The following XKR9 variants were observed in gnomAD, a reference collection of about 807,000 sequenced individuals.
XKR9 encodes the protein XK-related protein 9.
A neutral mutation model predicts 32.0 loss-of-function variants in XKR9; 32 were observed. The ratio of observed to expected loss-of-function variants is 1.00; its 90% CI spans 0.76 to 1.34. The LOEUF (loss-of-function observed/expected upper bound fraction) is 1.34. Among genes scored for constraint, XKR9 ranks in the 40% most tolerant of loss-of-function variants. XKR9 has a pLI of 0.00. For synonymous variants in XKR9, 168 were observed against 143.4 expected (o/e 1.17, Z -1.22); for missense variants, 546 against 429.7 (o/e 1.27, Z -2.39).
chr8:70,936,161 A>T, the XKR9 span, among the ~76,000 whole-genome samples: 5 of 152,070 alleles, frequency 3.3e-5, no homozygotes, highest in Admixed American at 2.6e-4. Flanking sequence ...CAGAAATGAT[A>T]ACTGAAACCT....
At chr8:70,995,253 C>A in the XKR9 span, among the ~76,000 whole-genome samples, 1 of 152,172 alleles carries the variant, frequency 6.6e-6, no homozygotes, top group African/African-American at 2.4e-5. Context: ...TGGCCCATAC[C>A]ACCCTACTGT....
At chr8:71,046,496 T>C in the XKR9 span, among the ~76,000 whole-genome samples, 11 of 152,250 alleles carry the variant, frequency 7.2e-5, no homozygotes, top group Non-Finnish European at 1.3e-4. Context: ...CCCTTCTCTC[T>C]AATCTGTAAA....
At chr8:70,864,089 C>A in the XKR9 span, among the ~76,000 whole-genome samples, 1 of 152,062 alleles carries the variant, frequency 6.6e-6, no homozygotes, top group African/African-American at 2.4e-5. Context: ...GAGGATTTGC[C>A]AACAAGCATT....
chr8:70,972,209 A>C, the XKR9 span, among the ~76,000 whole-genome samples: 39 of 151,322 alleles, frequency 2.6e-4, 1 homozygote, highest in South Asian at 6.9e-3. Context: ...ATTTTATTTT[A>C]TTTTATTTTT....
At chr8:70,808,785 CAAAG>C in the XKR9 span, among the ~76,000 whole-genome samples, 1 of 152,252 alleles carries the variant, frequency 6.6e-6, no homozygotes, top group African/African-American at 2.4e-5. Context: ...AGTAGGTAAA[CAAAG>C]AGGCCAGGAA....
chr8:70,912,431 A>G, the XKR9 span, among the ~76,000 whole-genome samples: 1 of 152,152 alleles, frequency 6.6e-6, no homozygotes, highest in Non-Finnish European at 1.5e-5. Context: ...GGAGCATAAA[A>G]TAAATAGGAT....
intron 2 of XKR9, among the ~76,000 whole-genome samples, chr8:70,749,271 C>T (rs937754898): frequency 3.3e-5 from 5 of 151,874 alleles, no homozygotes; most frequent in African/African-American, 1.2e-4. Flanking sequence ...GTAATACAAA[C>T]GGGGCTGAAA....
chr8:70,874,359 C>T, the XKR9 span, among the ~76,000 whole-genome samples: 9 of 152,212 alleles, frequency 5.9e-5, no homozygotes, highest in African/African-American at 2.2e-4. Flanking sequence ...GAAATTTATT[C>T]TGTATGATAG....
At chr8:70,781,284 A>T (rs6993170) in intron 2 of XKR9, among the ~76,000 whole-genome samples, 61,820 of 151,542 alleles carry the variant, frequency 0.41, 13,978 homozygotes, top group Non-Finnish European at 0.52. Context: ...CTCTTTATTG[A>T]TGAATTGTAA....
At chr8:70,813,242 G>C in the XKR9 span, among the ~76,000 whole-genome samples, 1 of 152,224 alleles carries the variant, frequency 6.6e-6, no homozygotes. Flanking sequence ...CTAGCCATAT[G>C]TAGAAAGCTG....
chr8:70,709,485 T>C lies in XKR9; in HGVS notation c.493+2332T>C, dbSNP rs567659195. ...GGTAAGTGAAAGAAATAAAAGGCAT[T>C]CGAATAGGAAGAGATGAAGTAAAAC... is the stretch of plus-strand genomic sequence containing the variant. On this transcript the variant is annotated intron_variant, in intron 4 of 4. Coordinates refer to ENST00000408926, the MANE Select transcript of XKR9 (RefSeq NM_001011720.2). Among the ~76,000 whole-genome samples the C allele has an allele frequency of 9.6e-4, 146 of 152,198 alleles. 1 individual carries two copies. Among genetic ancestry groups the C allele is most frequent in the African/African-American group, 3.5e-3 (144 of 41,510 alleles).
At chr8:70,815,484 C>G in the XKR9 span, among the ~76,000 whole-genome samples, 5 of 149,830 alleles carry the variant, frequency 3.3e-5, no homozygotes, top group Non-Finnish European at 7.4e-5. Context: ...ATGGTCCCTA[C>G]AAATTACACG....
chr8:70,845,686 CAGA>C, the XKR9 span, among the ~76,000 whole-genome samples: 5 of 151,928 alleles, frequency 3.3e-5, no homozygotes, highest in African/African-American at 1.2e-4. Context: ...CTAGAGCAAA[CAGA>C]AGAAGCAAAT....
the XKR9 span, among the ~76,000 whole-genome samples, chr8:70,989,883 G>T: frequency 6.6e-6 from 1 of 152,126 alleles, no homozygotes; most frequent in Admixed American, 6.5e-5. Context: ...TGTACTTTAT[G>T]CTTCTATGAA....
At chr8:70,801,330 C>A in the XKR9 span, among the ~76,000 whole-genome samples, 1 of 152,126 alleles carries the variant, frequency 6.6e-6, no homozygotes, top group South Asian at 2.1e-4. Context: ...AACACTAACA[C>A]TGCTTTAGTT....
At chr8:70,737,653 A>G (rs1269135849), downstream of XKR9, among the ~76,000 whole-genome samples, 1 of 112,076 alleles carries the variant, frequency 8.9e-6, no homozygotes, top group African/African-American at 2.9e-5. Context: ...ATCAATACCT[A>G]ATTTATTGAG....
chr8:70,700,793 G>T (rs560335198), intron 3 of XKR9, among the ~76,000 whole-genome samples: 17 of 152,338 alleles, frequency 1.1e-4, no homozygotes, highest in Admixed American at 5.2e-4. Context: ...CAGAGGTGGA[G>T]CCTACAGAGG....
At chr8:70,671,179 T>C (rs983793459) in intron 1 of XKR9, among the ~76,000 whole-genome samples, 1 of 152,232 alleles carries the variant, frequency 6.6e-6, no homozygotes, top group Non-Finnish European at 1.5e-5. Context: ...GTGCTAGGAT[T>C]GCAGGCTTGA....
At chr8:70,885,510 A>T in the XKR9 span, among the ~76,000 whole-genome samples, 4 of 151,922 alleles carry the variant, frequency 2.6e-5, no homozygotes, top group Non-Finnish European at 5.9e-5. Context: ...TCAATCTGTC[A>T]TCTAGGTTTT....
Sources: gnomAD v4.1 joint callset for allele counts (sites outside exome capture counted in the v4.1 genomes callset) on GRCh38, gnomAD v4.1.1 for gene constraint, MANE v1.5 for transcripts, NCBI Gene and HGNC (gene_info 2026-07-23, HGNC 2026-07-21) for gene names.